Variants in MACROD2 observed in about 807,000 individuals in gnomAD.
MACROD2 encodes mono-ADP ribosylhydrolase 2.
MACROD2 carries 36 observed loss-of-function variants against 70.4 expected under a neutral mutation model. The ratio of observed to expected loss-of-function variants is 0.51; its 90% CI spans 0.39 to 0.68. The LOEUF (loss-of-function observed/expected upper bound fraction) is 0.68, where lower values mean the gene tolerates loss of function less well. Ranked by LOEUF, MACROD2 falls within the 30% of genes least tolerant of loss-of-function variation. The probability of loss-of-function intolerance (pLI) is 0.00; values close to 1 mark genes in which losing one functional copy is unlikely to be tolerated. For synonymous variants in MACROD2, 172 were observed against 178.8 expected (o/e 0.96, Z 0.30); for missense variants, 496 against 538.4 (o/e 0.92, Z 0.78).
At chr20:14,419,434 T>C (rs1281026150) in intron 3 of MACROD2, among the ~76,000 whole-genome samples, 1 of 152,194 alleles carries the variant, frequency 6.6e-6, no homozygotes, top group African/African-American at 2.4e-5. Flanking sequence ...AATTATCAGA[T>C]TGATTTCTGG....
chr20:14,813,574 G>T (rs1177689872), intron 5 of MACROD2, among the ~76,000 whole-genome samples: 3 of 151,968 alleles, frequency 2.0e-5, no homozygotes, highest in African/African-American at 4.8e-5. Flanking sequence ...TGGTGTATAT[G>T]TACCACATTT....
At chr20:14,887,923 C>G (rs1450338189) in intron 5 of MACROD2, among the ~76,000 whole-genome samples, 1 of 150,898 alleles carries the variant, frequency 6.6e-6, no homozygotes, top group African/African-American at 2.4e-5. Context: ...AAAATGTGGC[C>G]CAAAGAGACT....
At chr20:15,455,902 T>A (rs2046718434) in intron 7 of MACROD2, among the ~76,000 whole-genome samples, 1 of 152,232 alleles carries the variant, frequency 6.6e-6, no homozygotes, top group East Asian at 1.9e-4. Context: ...TCTTCATAAA[T>A]CTGTAAAATA....
rs541375960 is a variant in MACROD2 at position 15,261,122 on chromosome 20, T to C, written c.540+31061T>C. ...AGAAGAGCTCTAAATATAAAATAAA[T>C]GAGGTGCTGCTCTAGTAATCCATTT... On this transcript the variant is annotated intron_variant, in intron 6 of 17. Transcript: ENST00000684519. Among the ~76,000 whole-genome samples the C allele has an allele frequency of 2.5e-3, 375 of 152,038 alleles. 1 individual carries two copies. The highest frequency in any genetic ancestry group is 8.7e-3 in the African/African-American group (362 of 41,526).
At chr20:14,234,843 T>C (rs900822298) in intron 3 of MACROD2, among the ~76,000 whole-genome samples, 10 of 152,208 alleles carry the variant, frequency 6.6e-5, no homozygotes, top group African/African-American at 2.2e-4. Flanking sequence ...GCATTACTCA[T>C]CACCTCAAAT....
chr20:15,950,315 A>G (rs989651632), intron 12 of MACROD2, among the ~76,000 whole-genome samples: 39 of 152,320 alleles, frequency 2.6e-4, no homozygotes, highest in African/African-American at 9.1e-4. Flanking sequence ...GACACTAAAT[A>G]GATAGGACTG....
At chr20:14,160,064 G>A (rs2055162488) in intron 3 of MACROD2, among the ~76,000 whole-genome samples, 1 of 152,116 alleles carries the variant, frequency 6.6e-6, no homozygotes, top group African/African-American at 2.4e-5. Context: ...GCATCCCTGG[G>A]ATAAAGCCCA....
chr20:15,549,132 T>A (rs983305983), intron 8 of MACROD2, among the ~76,000 whole-genome samples: 1 of 152,246 alleles, frequency 6.6e-6, no homozygotes, highest in Non-Finnish European at 1.5e-5. Flanking sequence ...AGTTTTGGGT[T>A]AATTTGTTAT....
At chr20:15,855,588 T>C (rs907954187) in intron 8 of MACROD2, among the ~76,000 whole-genome samples, 7 of 152,298 alleles carry the variant, frequency 4.6e-5, no homozygotes, top group African/African-American at 1.7e-4. Context: ...CACAGCTTGA[T>C]GAATTTTCAC....
At chr20:14,097,545 T>G (rs1253995761) in intron 3 of MACROD2, among the ~76,000 whole-genome samples, 1 of 152,196 alleles carries the variant, frequency 6.6e-6, no homozygotes, top group Admixed American at 6.5e-5. Flanking sequence ...TTGTGATTAA[T>G]TATAGAGGAC....
At chr20:15,007,350 T>A (rs917158860) in intron 5 of MACROD2, among the ~76,000 whole-genome samples, 8 of 150,316 alleles carry the variant, frequency 5.3e-5, no homozygotes, top group African/African-American at 2.0e-4. Context: ...GGCGACAGAG[T>A]GAGACTCCAT....
At chr20:14,052,112 A>AGAG (rs1406351877) in intron 2 of MACROD2, 17 of 367,358 alleles carry the variant, frequency 4.6e-5, no homozygotes, top group African/African-American at 3.2e-4. Context: ...GGGGGAGAGA[A>AGAG]GAGGAAGATG....
chr20:15,843,109 A>G (rs1189453249), intron 8 of MACROD2, among the ~76,000 whole-genome samples: 1 of 152,178 alleles, frequency 6.6e-6, no homozygotes, highest in East Asian at 1.9e-4. Context: ...TCTGGACACT[A>G]TGAGTGTAAT....
intron 5 of MACROD2, among the ~76,000 whole-genome samples, chr20:14,916,286 A>T (rs2074090709): frequency 6.6e-6 from 1 of 152,142 alleles, no homozygotes; most frequent in African/African-American, 2.4e-5. Flanking sequence ...CCTCTAGAAT[A>T]CAAGTCCTGA....
chr20:15,979,275 G>A (rs2066359345), intron 13 of MACROD2, among the ~76,000 whole-genome samples: 1 of 152,168 alleles, frequency 6.6e-6, no homozygotes, highest in African/African-American at 2.4e-5. Context: ...TCAGGATCTA[G>A]ACGAAGGAAC....
At chr20:15,417,448 A>G (rs926250458) in intron 6 of MACROD2, among the ~76,000 whole-genome samples, 4 of 151,550 alleles carry the variant, frequency 2.6e-5, no homozygotes, top group Admixed American at 1.3e-4. Context: ...AATAATAAAT[A>G]TTAGATGGGT....
intron 2 of MACROD2, among the ~76,000 whole-genome samples, chr20:14,081,783 A>G (rs2053998135): frequency 6.6e-6 from 1 of 152,244 alleles, no homozygotes; most frequent in South Asian, 2.1e-4. Flanking sequence ...GTTGAAGGAA[A>G]TACTGCTAAT....
At chr20:15,832,850 A>G (rs1278336186) in intron 8 of MACROD2, among the ~76,000 whole-genome samples, 2 of 152,228 alleles carry the variant, frequency 1.3e-5, no homozygotes, top group Non-Finnish European at 2.9e-5. Context: ...CCTTTCCGTA[A>G]CATGGAAAAT....
At chr20:15,681,481 C>T (rs1036250901) in intron 8 of MACROD2, among the ~76,000 whole-genome samples, 29 of 152,222 alleles carry the variant, frequency 1.9e-4, no homozygotes, top group Non-Finnish European at 2.8e-4. Context: ...TTGGTGAAGA[C>T]CAAATAAAAT....
Sources: allele counts gnomAD v4.1 joint callset (sites outside exome capture counted in the v4.1 genomes callset), GRCh38; gene constraint gnomAD v4.1.1; transcripts MANE v1.5; gene names NCBI Gene and HGNC (gene_info 2026-07-23, HGNC 2026-07-21).